The following LAMC3 variants were observed in gnomAD, a reference collection of about 807,000 sequenced individuals.
LAMC3 encodes the protein laminin subunit gamma-3.
LAMC3 carries 128 observed loss-of-function variants against 173.8 expected under a neutral mutation model. The ratio of observed to expected loss-of-function variants is 0.74; its 90% confidence interval spans 0.64 to 0.85. The LOEUF is 0.85. LAMC3 is among the 40% of genes least tolerant of loss of function. LAMC3 has a pLI of 0.00. For synonymous variants in LAMC3, 897 were observed against 909.1 expected (o/e 0.99, Z 0.24); for missense variants, 2,022 against 2,156.0 (o/e 0.94, Z 1.23).
chr9:131,048,843 G>A (rs920731527), intron 8 of LAMC3, among the ~76,000 whole-genome samples, 177 bp from the exon 9 acceptor site: 1 of 151,994 alleles, frequency 6.6e-6, no homozygotes, highest in African/African-American at 2.4e-5. Flanking sequence ...AAACCCCACT[G>A]AAAGGGCAGG....
chr9:131,069,539 TGTTTTTGATGCTGCCTAGG>T, intron 16 of LAMC3, 114 bp from the exon 17 acceptor site: 1 of 849,114 alleles, frequency 1.2e-6, no homozygotes, highest in South Asian at 1.5e-5. Context: ...GGCCCAGGAA[TGTTTTTGATGCTGCCTAGG>T]GCATTCTGGG....
intron 8 of LAMC3, 150 bp downstream of exon 8, chr9:131,045,810 G>C (rs146746762): frequency 4.1e-6 from 4 of 972,282 alleles, no homozygotes; most frequent in Non-Finnish European, 6.3e-6. Context: ...GGGGTGAGAT[G>C]ATGGCTCCCC....
rs369184450 is a variant in LAMC3, at chr9:131,039,263, C to G, written c.1283+15C>G. ...GGAGGCTGCAGGTGAGGGCGAGGGGCGGCCCAGTATGGACACATTGCACTG... is the reference window on the plus strand; with the variant it reads ...GGAGGCTGCAGGTGAGGGCGAGGGGGGGCCCAGTATGGACACATTGCACTG... On this transcript the variant is annotated intron_variant, in intron 6 of 27. Transcript: ENST00000361069. The G allele has an allele frequency of 1.3e-4, 211 of 1,592,148 alleles. 3 individuals carry two copies. The Middle Eastern group carries it at 1.5e-3, about 11-fold the overall frequency.
chr9:131,045,238 A>G (rs1259755346), intron 7 of LAMC3, among the ~76,000 whole-genome samples: 1 of 117,050 alleles, frequency 8.5e-6, no homozygotes, highest in Non-Finnish European at 1.8e-5. Flanking sequence ...AAAAAAAAAC[A>G]ACAACAACAA....
chr9:131,030,008 T>C (rs1179893816), intron 2 of LAMC3, among the ~76,000 whole-genome samples: 1 of 151,926 alleles, frequency 6.6e-6, no homozygotes, highest in East Asian at 1.9e-4. Context: ...TGGCACGATC[T>C]TGGCTCACCG....
At chr9:131,087,651 G>A (rs371956188) in intron 26 of LAMC3, 29 bp downstream of exon 26, 432 of 1,613,782 alleles carry the variant, frequency 2.7e-4, no homozygotes, top group African/African-American at 5.3e-4. Context: ...CTACCCTATC[G>A]CCTCCTGCCC....
In LAMC3 at chr9:131,067,203, T is replaced by C. The variant is rs1314539500; in HGVS notation, c.2591T>C (p.Met864Thr). ...GCCCCTCGACCCGCAGACAAATGCATGCGTGAGTACCTACCTCCAGACCCC... is the reference window on the plus strand; with the variant it reads ...GCCCCTCGACCCGCAGACAAATGCACGCGTGAGTACCTACCTCCAGACCCC... ...ALAPRPADKCMPCSCHPQGSV... is the reference protein window; with the variant it reads ...ALAPRPADKCTPCSCHPQGSV... The change falls in exon 14 of 28, where the codon ATG becomes ACG. Residue 864 changes from methionine (M) to threonine (T), a missense_variant and splice_region_variant. Transcript: ENST00000361069. The C allele has an allele frequency of 2.5e-6, 4 of 1,613,050 alleles. No homozygotes were observed. The highest frequency in any genetic ancestry group is 2.7e-5 in the African/African-American group (2 of 74,906).
chr9:131,049,770 G>T (rs1016382903), intron 9 of LAMC3, among the ~76,000 whole-genome samples: 3 of 152,180 alleles, frequency 2.0e-5, no homozygotes, highest in East Asian at 3.9e-4. Context: ...CACCCGCCAG[G>T]CCACTGCACC....
At chr9:131,035,828 A>G (rs1833933088) in intron 3 of LAMC3, among the ~76,000 whole-genome samples, 1 of 152,140 alleles carries the variant, frequency 6.6e-6, no homozygotes. Context: ...GGTCCCTCTC[A>G]GCCCCCAGGT....
At chr9:131,053,888 T>C (rs1834345814) in intron 11 of LAMC3, among the ~76,000 whole-genome samples, 2 of 152,100 alleles carry the variant, frequency 1.3e-5, no homozygotes, top group Non-Finnish European at 2.9e-5. Context: ...TCTGCACCTG[T>C]AATTCCAGCT....
At chr9:131,077,094 G>A in intron 21 of LAMC3, 93 bp from the exon 22 acceptor site, 4 of 1,549,068 alleles carry the variant, frequency 2.6e-6, no homozygotes, top group Non-Finnish European at 3.5e-6. Flanking sequence ...GTTGGCAGAG[G>A]CCTTTGCAAA....
chr9:131,041,673 C>T lies in LAMC3; in HGVS notation c.1320C>T (p.Thr440=), dbSNP rs565778859. The T allele has an allele frequency of 3.1e-6, 5 of 1,614,174 alleles. No individual in the cohort carries two copies. The highest frequency in any genetic ancestry group is 3.3e-5 in the Admixed American group (2 of 60,026). Residue 440 remains threonine, a synonymous_variant, in exon 7 of 28, where the codon ACC becomes ACT. Coordinates refer to ENST00000361069, the MANE Select transcript of LAMC3 (RefSeq NM_006059.4). ...CTCNPAGSLD[T]CDPRSGRCPC... ...GCAATCCCGCTGGCAGCCTGGACAC[C>T]TGTGACCCCCGCAGTGGGCGCTGCC...
intron 20 of LAMC3, among the ~76,000 whole-genome samples, chr9:131,073,985 C>A (rs1435041985): frequency 9.7e-5 from 14 of 143,618 alleles, no homozygotes; most frequent in African/African-American, 3.1e-4. Flanking sequence ...CTCGCTCTGT[C>A]CCCCAGGCTG....
At chr9:131,014,660 C>T (rs1024160055) in intron 1 of LAMC3, among the ~76,000 whole-genome samples, 1 of 152,148 alleles carries the variant, frequency 6.6e-6, no homozygotes, top group African/African-American at 2.4e-5. Context: ...GTTGGTCAGG[C>T]GAATGAATGG....
chr9:131,061,877 C>T (rs1196271427), intron 13 of LAMC3, among the ~76,000 whole-genome samples: 2 of 53,362 alleles, frequency 3.7e-5, no homozygotes, highest in Admixed American at 1.4e-4. Context: ...TAGTGAGACT[C>T]CCATCTCTAA....
At chr9:131,056,155 C>T (rs1834400286) in intron 11 of LAMC3, among the ~76,000 whole-genome samples, 1 of 151,858 alleles carries the variant, frequency 6.6e-6, no homozygotes, top group African/African-American at 2.4e-5. Flanking sequence ...ATGGTTGTAC[C>T]ACTGCACTCC....
rs927580482 is a variant in LAMC3, at chr9:131,091,821, C to T, written c.*34C>T. 2 of 1,608,540 alleles carry T rather than the reference C, an allele frequency of 1.2e-6. No individual in the cohort carries two copies. The highest frequency in any genetic ancestry group is 2.2e-5 in the South Asian group (2 of 90,890). On this transcript the variant is annotated 3_prime_UTR_variant, in exon 28 of 28. Coordinates refer to ENST00000361069, the MANE Select transcript of LAMC3 (RefSeq NM_006059.4). ...CAGATCCCCGGCACACACTCCCCCA[C>T]CTGCTGTTTACATGACCCAGGGGGT... is the stretch of plus-strand genomic sequence containing the variant.
chr9:131,090,806 C>T (rs541925314), intron 27 of LAMC3, among the ~76,000 whole-genome samples: 133 of 152,330 alleles, frequency 8.7e-4, no homozygotes, highest in African/African-American at 3.0e-3. Context: ...GCGGGCAGAT[C>T]ACCTGAGGTC....
chr9:131,080,737 A>T (rs542683237), intron 23 of LAMC3, among the ~76,000 whole-genome samples: 48 of 152,086 alleles, frequency 3.2e-4, no homozygotes, highest in Non-Finnish European at 5.9e-4. Context: ...GTCCAGGGTG[A>T]GGTTGCCAGG....
Sources: gnomAD v4.1 joint callset for allele counts (sites outside exome capture counted in the v4.1 genomes callset) on GRCh38, gnomAD v4.1.1 for gene constraint, MANE v1.5 for transcripts, NCBI Gene and HGNC (gene_info 2026-07-23, HGNC 2026-07-21) for gene names.